Variants in CEP250 observed in about 807,000 individuals in gnomAD.
CEP250 encodes the protein centrosome-associated protein CEP250.
CEP250 carries 242 observed loss-of-function variants against 315.7 expected under a neutral mutation model. That is an observed-to-expected ratio of 0.77 (90% CI 0.69 to 0.85). CEP250 has a LOEUF of 0.85. Ranked by LOEUF, CEP250 falls within the 40% of genes least tolerant of loss-of-function variation. The pLI is 0.00. For missense variants in CEP250, 2,515 were observed against 2,886.4 expected, an observed-to-expected ratio of 0.87 and a Z score of 2.95; for synonymous variants, 1,088 against 1,175.0, an observed-to-expected ratio of 0.93 and a Z score of 1.51.
chr20:35,463,560 T>G lies in CEP250; in HGVS notation c.187-15T>G. 6.2e-7 allele frequency: 1 copy of G among 1,602,052 alleles called. No individual in the cohort carries two copies. Among genetic ancestry groups the G allele is most frequent in the African/African-American group, 1.3e-5 (1 of 74,366 alleles). ...AGCTGTGTTCATTGCCCAGGGCCTG[T>G]TCTTTTTGCTGCAGGTGCTGCAGTA... is the stretch of plus-strand genomic sequence containing the variant. On this transcript the variant is annotated splice_polypyrimidine_tract_variant and intron_variant, in intron 4 of 34. Coordinates refer to ENST00000397527, the MANE Select transcript of CEP250 (RefSeq NM_007186.6).
At position 35,502,474 on chromosome 20, in the gene CEP250, G is replaced by A. The variant is rs367939150; in HGVS notation, c.4105G>A (p.Ala1369Thr). Residue 1369 changes from alanine to threonine, a missense_variant, in exon 30 of 35, where the codon GCT (alanine) becomes ACT (threonine). By Grantham distance (58) the Ala-to-Thr change is moderately conservative. Coordinates refer to ENST00000397527, the MANE Select transcript of CEP250 (RefSeq NM_007186.6). ...GCAAGCAGCTGTCGTAGAAGCCAGG[G>A]CTCAGGCAAGTGCTGCTGGCATCCT... ...HLQAAVVEARAQASAAGILEE... is the reference protein window; with the variant it reads ...HLQAAVVEARTQASAAGILEE... 54 of 1,614,202 alleles carry A rather than the reference G, an allele frequency of 3.3e-5. No individual in the cohort carries two copies. The African/African-American group carries it at 4.0e-4, about 12-fold the overall frequency.
chr20:35,468,252 A>G (rs911664566), intron 9 of CEP250, among the ~76,000 whole-genome samples: 1 of 152,114 alleles, frequency 6.6e-6, no homozygotes, highest in Non-Finnish European at 1.5e-5. Flanking sequence ...ACTCGCCGAA[A>G]TGTCACCTCT....
chr20:35,472,810 T>A lies in CEP250; in HGVS notation c.1188T>A (p.Thr396=). 1 of 1,614,184 alleles carries A rather than the reference T, an allele frequency of 6.2e-7. No homozygotes were observed. Among genetic ancestry groups the A allele is most frequent in the Non-Finnish European group, 8.5e-7 (1 of 1,180,036 alleles). Residue 396 remains threonine (T), a synonymous_variant, in exon 12 of 35, where the codon ACT becomes ACA. Transcript: ENST00000397527. ...TTACTCTGGTGCGTTCAGTGCTGAC[T>A]CGGAGACGCCAGGCTGTGCAGGTAG... ...KALTLVRSVL[T]RRRQAVQDLR... is the part of the protein sequence containing the mutation.
intron 26 of CEP250, 21 bp downstream of exon 26, chr20:35,498,088 C>T: frequency 6.6e-7 from 1 of 1,514,426 alleles, no homozygotes; most frequent in Non-Finnish European, 8.8e-7. Context: ...CTCCCCAGAA[C>T]TAGGTCCTTT....
chr20:35,489,187 C>CAAAA (rs56824051), intron 20 of CEP250, among the ~76,000 whole-genome samples: 19 of 124,816 alleles, frequency 1.5e-4, no homozygotes, highest in South Asian at 5.0e-4. Flanking sequence ...GACTCTGTCT[C>CAAAA]AAAAAAAAAA....
At chr20:35,510,536 C>G (rs2064326436) in intron 34 of CEP250, among the ~76,000 whole-genome samples, 1 of 152,214 alleles carries the variant, frequency 6.6e-6, no homozygotes, top group Admixed American at 6.5e-5. Flanking sequence ...TAGGCCTCAA[C>G]TAAAAGTCCA....
chr20:35,469,938 A>G lies in CEP250; in HGVS notation c.900A>G (p.Glu300=). The stretch of plus-strand genomic sequence containing the variant: ...TGACCCAGTCTCAGAAGCAAAATGA[A>G]GATTATGAAAAGATGATAAAGGCTC... ...ALLTQSQKQN[E]DYEKMIKALR... Residue 300 remains glutamate (E), a synonymous_variant, in exon 10 of 35, where the codon GAA becomes GAG. Transcript: ENST00000397527. 1 of 1,613,952 alleles carries G rather than the reference A, an allele frequency of 6.2e-7. No homozygotes were observed. The highest frequency in any genetic ancestry group is 1.6e-4 in the Middle Eastern group (1 of 6,062).
rs559684994 is a variant in CEP250, at chr20:35,488,636, G to A, written c.2587-2001G>A. Among the ~76,000 whole-genome samples, 7 of 152,006 alleles carry A rather than the reference G, an allele frequency of 4.6e-5. No homozygotes were observed. In the South Asian group the frequency reaches 1.5e-3, roughly 32 times the overall value. ...GAACCACCACACCTGACTAATTTTT[G>A]CATTTTTTGTAGATAAGGGGTTTCA... On this transcript the variant is annotated intron_variant, in intron 20 of 34. Transcript: ENST00000397527.
chr20:35,472,856 CAGT>C, intron 12 of CEP250, 25 bp downstream of exon 12: 1 of 1,612,852 alleles, frequency 6.2e-7, no homozygotes, highest in South Asian at 1.1e-5. Flanking sequence ...CATTCCACCT[CAGT>C]CACAGGGGTT....
In CEP250 at chr20:35,502,512, G is replaced by A; in HGVS notation, c.4143G>A (p.Leu1381=). 1 of 1,614,240 alleles carries A rather than the reference G, an allele frequency of 6.2e-7. No homozygotes were observed. Among genetic ancestry groups the A allele is most frequent in the Non-Finnish European group, 8.5e-7 (1 of 1,180,040 alleles). Residue 1381 remains leucine, a synonymous_variant, in exon 30 of 35, where the codon CTG becomes CTA. Transcript: ENST00000397527. ...ASAAGILEED[L]RTARSALKLK... ...CTGCTGGCATCCTGGAAGAAGACCT[G>A]AGAACGGCTCGCTCAGCACTGAAGC...
Position 35,463,613 on chromosome 20 carries a change from G to A in CEP250, c.225G>A (p.Lys75=). 6.2e-7 allele frequency: 1 copy of A among 1,609,106 alleles called. No individual in the cohort carries two copies. Among genetic ancestry groups the A allele is most frequent in the Non-Finnish European group, 8.5e-7 (1 of 1,177,626 alleles). The change falls in exon 5 of 35, where the codon AAG becomes AAA. Residue 75 remains lysine, a synonymous_variant. Transcript: ENST00000397527. ...GAAGCTGGTGCCAAGAGCTGGAGAAGCGGCTAGAAGCCACTGGAGTGAGTG... is the reference window on the plus strand; with the variant it reads ...GAAGCTGGTGCCAAGAGCTGGAGAAACGGCTAGAAGCCACTGGAGTGAGTG... ...QYRSWCQELE[K]RLEATGGPIP...
rs774895740 is a variant in CEP250 at position 35,502,674 on chromosome 20, G to C, written c.4305G>C (p.Glu1435Asp). 1.2e-6 allele frequency: 2 copies of C among 1,614,268 alleles called. No homozygotes were observed. The highest frequency in any genetic ancestry group is 1.7e-6 in the Non-Finnish European group (2 of 1,180,048). Reference protein sequence around the residue: ...LLTQTLAEREEEVETLRGQIQ... With the variant: ...LLTQTLAEREDEVETLRGQIQ... ...CCCAGACCCTAGCTGAAAGAGAAGA[G>C]GAGGTGGAGACTCTGCGGGGACAAA... Residue 1435 changes from glutamate to aspartate, a missense_variant, in exon 30 of 35, where the codon GAG becomes GAC. Coordinates refer to ENST00000397527, the MANE Select transcript of CEP250 (RefSeq NM_007186.6).
chr20:35,470,184 A>G (rs2062990557), intron 10 of CEP250, 198 bp downstream of exon 10: 5 of 602,248 alleles, frequency 8.3e-6, no homozygotes, highest in South Asian at 2.1e-5. Flanking sequence ...ACTGTCTACT[A>G]TCCCTACTGT....
intron 12 of CEP250, 152 bp downstream of exon 12, chr20:35,472,983 C>G (rs2063062956): frequency 1.4e-6 from 1 of 724,854 alleles, no homozygotes; most frequent in Non-Finnish European, 2.2e-6. Context: ...CTGCCTATGT[C>G]TGCTGAATTG....
At chr20:35,502,335 GGGT>G in intron 29 of CEP250, 52 bp from the exon 30 acceptor site, 1 of 1,431,692 alleles carries the variant, frequency 7.0e-7, no homozygotes, top group Non-Finnish European at 9.5e-7. Flanking sequence ...GTCGGTGTTG[GGGT>G]GACAGTAGCA....
rs1313209436 is a variant in CEP250, at chr20:35,462,348, G to A, written c.-20G>A. 1.3e-6 allele frequency: 2 copies of A among 1,557,008 alleles called. No individual in the cohort carries two copies. The highest frequency in any genetic ancestry group is 2.4e-5 in the East Asian group (1 of 42,044). The stretch of plus-strand genomic sequence containing the variant: ...CCTCTGGCTACCTAGGGACCTGTGG[G>A]CCTACCACCTGGTGCCCTCATGGAG... On this transcript the variant is annotated 5_prime_UTR_variant, in exon 4 of 35. Coordinates refer to ENST00000397527, the MANE Select transcript of CEP250 (RefSeq NM_007186.6).
chr20:35,508,844 C>A, intron 32 of CEP250, 99 bp from the exon 33 acceptor site: 1 of 919,454 alleles, frequency 1.1e-6, no homozygotes, highest in Non-Finnish European at 1.7e-6. Context: ...ACTGTCCCCT[C>A]ATATACCTGC....
chr20:35,467,139 CTA>C, intron 8 of CEP250, 67 bp downstream of exon 8: 1 of 781,236 alleles, frequency 1.3e-6, no homozygotes, highest in East Asian at 5.0e-5. Flanking sequence ...CAGTGGGCTG[CTA>C]TAGAAGCGGG....
At chr20:35,501,748 A>G (rs913566650) in intron 28 of CEP250, 97 bp from the exon 29 acceptor site, 1 of 1,365,008 alleles carries the variant, frequency 7.3e-7, no homozygotes, top group Non-Finnish European at 9.8e-7. Context: ...TTCCCTTTGA[A>G]TCTGTTCCCC....
Sources: allele counts gnomAD v4.1 joint callset (sites outside exome capture counted in the v4.1 genomes callset), GRCh38; gene constraint gnomAD v4.1.1; transcripts MANE v1.5; gene names NCBI Gene and HGNC (gene_info 2026-07-23, HGNC 2026-07-21).